RIMS2: variants seen among roughly 807,000 people sequenced by gnomAD.
RIMS2 encodes the protein regulating synaptic membrane exocytosis 2.
RIMS2 carries 59 observed loss-of-function variants against 174.4 expected under a neutral mutation model. The observed-to-expected ratio is 0.34, with a 90% CI of 0.27 to 0.42. The LOEUF (loss-of-function observed/expected upper bound fraction) is 0.42, where lower values mean the gene tolerates loss of function less well. RIMS2 is among the 10% of genes least tolerant of loss of function. The pLI, the probability that RIMS2 is intolerant of heterozygous loss-of-function variation, is 1.00. For missense variants in RIMS2, 1,620 were observed against 1,666.3 expected (o/e 0.97, Z 0.48); for synonymous variants, 606 against 572.5 (o/e 1.06, Z -0.84).
intron 19 of RIMS2, among the ~76,000 whole-genome samples, chr8:104,207,652 A>G (rs1432313856): frequency 6.6e-6 from 1 of 151,868 alleles, no homozygotes; most frequent in Non-Finnish European, 1.5e-5. Flanking sequence ...CTAAAAACAC[A>G]CACACACAAA....
intron 19 of RIMS2, among the ~76,000 whole-genome samples, chr8:104,110,425 G>C (rs1271317566): frequency 6.6e-6 from 1 of 151,994 alleles, no homozygotes; most frequent in Admixed American, 6.5e-5. Context: ...GTCTTTTTCT[G>C]AATTAATAGC....
chr8:103,930,480 G>C (rs1340266722), intron 11 of RIMS2, among the ~76,000 whole-genome samples: 2 of 152,092 alleles, frequency 1.3e-5, no homozygotes, highest in African/African-American at 4.8e-5. Context: ...CATAGAATCA[G>C]ACAGCTAGGT....
At chr8:103,971,645 C>T (rs149103029) in intron 15 of RIMS2, among the ~76,000 whole-genome samples, 4 of 151,752 alleles carry the variant, frequency 2.6e-5, no homozygotes, top group African/African-American at 9.7e-5. Context: ...GATCTCAGCT[C>T]ACTGCAACCT....
chr8:103,940,984 G>A (rs575323229), intron 13 of RIMS2, among the ~76,000 whole-genome samples: 1 of 152,076 alleles, frequency 6.6e-6, no homozygotes, highest in South Asian at 2.1e-4. Context: ...TTATATTCCT[G>A]GCACTACCAC....
At chr8:103,694,582 C>A (rs1212009329) in intron 1 of RIMS2, among the ~76,000 whole-genome samples, 1 of 152,034 alleles carries the variant, frequency 6.6e-6, no homozygotes, top group Non-Finnish European at 1.5e-5. Context: ...CTGGGCAGGC[C>A]TGGAACCTAG....
At chr8:103,611,882 C>G (rs2095379154) in intron 1 of RIMS2, among the ~76,000 whole-genome samples, 1 of 152,032 alleles carries the variant, frequency 6.6e-6, no homozygotes, top group South Asian at 2.1e-4. Flanking sequence ...ATCTCTTTCT[C>G]TACCTCTTCT....
chr8:104,110,639 A>G (rs1177442585), intron 19 of RIMS2, among the ~76,000 whole-genome samples: 1 of 152,212 alleles, frequency 6.6e-6, no homozygotes, highest in Admixed American at 6.5e-5. Flanking sequence ...TCAGTCAACA[A>G]GATAAGAATA....
chr8:103,753,235 A>G (rs1286140737), intron 2 of RIMS2, among the ~76,000 whole-genome samples: 1 of 152,130 alleles, frequency 6.6e-6, no homozygotes, highest in African/African-American at 2.4e-5. Context: ...GCTGGATTAC[A>G]TTTATTGATT....
At chr8:104,068,718 C>A in intron 19 of RIMS2, 106 bp downstream of exon 23, 1 of 625,708 alleles carries the variant, frequency 1.6e-6, no homozygotes, top group Non-Finnish European at 2.8e-6. Flanking sequence ...ACATATAATG[C>A]CATGGCCCCA....
At chr8:103,753,624 C>T (rs1385531797) in intron 2 of RIMS2, among the ~76,000 whole-genome samples, 6 of 152,122 alleles carry the variant, frequency 3.9e-5, no homozygotes, top group African/African-American at 1.2e-4. Flanking sequence ...TTGGTCTATT[C>T]GGAGATTCAC....
intron 1 of RIMS2, among the ~76,000 whole-genome samples, chr8:103,527,382 AT>A (rs1834574836): frequency 6.6e-6 from 1 of 151,960 alleles, no homozygotes; most frequent in Admixed American, 6.6e-5. Context: ...AGTATACTTT[AT>A]TTTTTATTTA....
chr8:103,905,867 C>G (rs2074298865), intron 4 of RIMS2, among the ~76,000 whole-genome samples: 1 of 148,548 alleles, frequency 6.7e-6, no homozygotes, highest in Admixed American at 6.7e-5. Context: ...AGTCATTCCT[C>G]TGTCCTCTCC....
At chr8:104,046,078 C>T (rs1242431038) in intron 19 of RIMS2, among the ~76,000 whole-genome samples, 1 of 151,992 alleles carries the variant, frequency 6.6e-6, no homozygotes. Flanking sequence ...ACTGCTGTAA[C>T]AAAATGTCAT....
chr8:104,084,589 G>C (rs998882315), intron 19 of RIMS2, among the ~76,000 whole-genome samples: 2 of 151,712 alleles, frequency 1.3e-5, no homozygotes, highest in Non-Finnish European at 2.9e-5. Flanking sequence ...TTTATGAGAC[G>C]TGCAATTAAG....
intron 3 of RIMS2, among the ~76,000 whole-genome samples, chr8:103,800,522 G>A (rs2154450731): frequency 6.6e-6 from 1 of 152,272 alleles, no homozygotes; most frequent in Non-Finnish European, 1.5e-5. Flanking sequence ...CTAATTTGCT[G>A]AGAATTCTTT....
At chr8:103,782,433 CGTGTGTGT>C (rs71297237) in intron 3 of RIMS2, among the ~76,000 whole-genome samples, 22 of 145,736 alleles carry the variant, frequency 1.5e-4, no homozygotes, top group African/African-American at 4.0e-4. Context: ...ACATAAATCC[CGTGTGTGT>C]GTGTGTGTGT....
chr8:103,596,603 A>G lies in RIMS2; in HGVS notation c.176+95541A>G, dbSNP rs537277158. Among the ~76,000 whole-genome samples the G allele has an allele frequency of 4.4e-4, 67 of 152,170 alleles. 2 individuals carry two copies. The Middle Eastern group carries it at 0.014, about 31-fold the overall frequency. ...GTTAACTATAGTGGATATGCTAATT[A>G]CTTTTATCTGATCGTCATACATTAT... is the stretch of plus-strand genomic sequence containing the variant. On this transcript the variant is annotated intron_variant, in intron 1 of 23. Transcript: ENST00000504942.
At chr8:103,930,186 AAGAT>A (rs1484029509) in intron 11 of RIMS2, among the ~76,000 whole-genome samples, 1 of 152,036 alleles carries the variant, frequency 6.6e-6, no homozygotes, top group Non-Finnish European at 1.5e-5. Context: ...GGCAAAAAAA[AAGAT>A]AGAAATAATT....
intron 19 of RIMS2, among the ~76,000 whole-genome samples, chr8:104,108,487 A>G (rs761777662): frequency 1.1e-4 from 16 of 151,470 alleles, no homozygotes; most frequent in Non-Finnish European, 1.8e-4. Context: ...TTCTGTAGAG[A>G]TGGGATTTTG....
Sources: gnomAD v4.1 joint callset for allele counts (sites outside exome capture counted in the v4.1 genomes callset) on GRCh38, gnomAD v4.1.1 for gene constraint, MANE v1.5 for transcripts, NCBI Gene and HGNC (gene_info 2026-07-23, HGNC 2026-07-21) for gene names.